The following NDUFAF7 variants were observed in gnomAD, a reference collection of about 807,000 sequenced individuals.
NDUFAF7 encodes protein arginine methyltransferase NDUFAF7, mitochondrial.
In NDUFAF7, 48 loss-of-function variants were observed where a neutral mutation model predicts 47.2. The observed-to-expected ratio is 1.02, with a 90% CI of 0.81 to 1.29. The LOEUF is 1.29. NDUFAF7 is among the 50% of genes most tolerant of loss of function. NDUFAF7 has a pLI of 0.00. For synonymous variants in NDUFAF7, 217 were observed against 190.0 expected, an observed-to-expected ratio of 1.14 and a Z score of -1.17; for missense variants, 635 against 537.6, an observed-to-expected ratio of 1.18 and a Z score of -1.79.
chr2:37,248,643 G>T lies in NDUFAF7; in HGVS notation c.*293G>T. 1 of 376,230 alleles carries T rather than the reference G, an allele frequency of 2.7e-6. No individual in the cohort carries two copies. The highest frequency in any genetic ancestry group is 5.1e-6 in the Non-Finnish European group (1 of 196,478). 23.3% of individuals were successfully genotyped at this position (376,230 alleles called of 1,614,324 possible). A position where few individuals can be genotyped will look rare whatever the true frequency, so the allele number is the denominator to read the frequency against. ...AAAAAGTAAACATGCGGCTGGGCGT[G>T]GTGGCTCATGCCTGTAATCCCAGCA... On this transcript the variant is annotated 3_prime_UTR_variant, in exon 10 of 10. Transcript: ENST00000002125.
rs371003486 is a variant in NDUFAF7, at chr2:37,236,162, C to G, written c.283C>G (p.Gln95Glu). ...GDFITSPEIS[Q>E]IFGELLGIWF... ...TTTCATTACTTCACCTGAAATAAGT[C>G]AAATCTTTGGGGAGGTAATATACTA... is the stretch of plus-strand genomic sequence containing the variant. Residue 95 changes from glutamine (Q) to glutamate (E), a missense_variant, in exon 3 of 10, where the codon CAA (glutamine) becomes GAA (glutamate). Transcript: ENST00000002125. The G allele has an allele frequency of 5.0e-6, 8 of 1,609,858 alleles. No homozygotes were observed. Among genetic ancestry groups the G allele is most frequent in the South Asian group, 2.2e-5 (2 of 90,978 alleles).
At position 37,242,484 on chromosome 2, in the gene NDUFAF7, G is replaced by C. The variant is rs1322687668; in HGVS notation, c.623-151G>C. The C allele has an allele frequency of 4.7e-6, 3 of 641,496 alleles. No homozygotes were observed. In the African/African-American group the frequency reaches 5.5e-5, roughly 12 times the overall value. The allele number at this position is 641,496 out of a possible 1,614,324, so 39.7% of individuals were successfully genotyped here. A position where few individuals can be genotyped will look rare whatever the true frequency, so the allele number is the denominator to read the frequency against. ...ATAAGAATAGTAATAATTGTTCTATGTTCTGCAGTGTAAGTTTTCCATGAA... is the reference window on the plus strand; with the variant it reads ...ATAAGAATAGTAATAATTGTTCTATCTTCTGCAGTGTAAGTTTTCCATGAA... On this transcript the variant is annotated intron_variant, in intron 5 of 9. Transcript: ENST00000002125.
Position 37,248,866 on chromosome 2 carries a change from A to G in NDUFAF7, c.*516A>G, listed in dbSNP as rs1455175965. On this transcript the variant is annotated 3_prime_UTR_variant, in exon 10 of 10. Coordinates refer to ENST00000002125, the MANE Select transcript of NDUFAF7 (RefSeq NM_144736.5). ...GAGGTGGAGGTTGCGGTGAGCTGAG[A>G]TCGTGCCACTGCACTCCAGCCTGGG... 1.2e-5 allele frequency: 2 copies of G among 163,662 alleles called. No homozygotes were observed. The highest frequency in any genetic ancestry group is 3.1e-4 in the South Asian group (2 of 6,436). 10.1% of individuals were successfully genotyped at this position (163,662 alleles called of 1,614,324 possible).
At chr2:37,231,823 T>A (rs1035928083) in intron 1 of NDUFAF7, 63 bp downstream of exon 1, 4 of 1,608,910 alleles carry the variant, frequency 2.5e-6, no homozygotes, top group African/African-American at 2.7e-5. Flanking sequence ...CTTCCTCAGC[T>A]CTTCAGTTGA....
chr2:37,246,920 T>C (rs1394407667), intron 8 of NDUFAF7, among the ~76,000 whole-genome samples: 1 of 152,140 alleles, frequency 6.6e-6, no homozygotes, highest in Non-Finnish European at 1.5e-5. Context: ...AGGGGGTACA[T>C]GAGGCAGGTT....
downstream of NDUFAF7, among the ~76,000 whole-genome samples, chr2:37,257,666 CAAAAGAAA>C (rs1408792339): frequency 1.6e-4 from 10 of 62,396 alleles, no homozygotes; most frequent in Admixed American, 1.3e-3. Context: ...GACTCTGTCT[CAAAAGAAA>C]AAAAAAAAAA....
In NDUFAF7 at chr2:37,249,107, A is replaced by T. The variant is rs1471035232; in HGVS notation, c.*757A>T. On this transcript the variant is annotated 3_prime_UTR_variant, in exon 10 of 10. Coordinates refer to ENST00000002125, the MANE Select transcript of NDUFAF7 (RefSeq NM_144736.5). Reference sequence around the variant, plus strand: ...TGCAAGAGTTTTTATAGTTGATTCCATTTTTGTTGAAGGAGAAAAACTAAA... The same window carrying T: ...TGCAAGAGTTTTTATAGTTGATTCCTTTTTTGTTGAAGGAGAAAAACTAAA... The T allele has an allele frequency of 4.6e-5, 7 of 152,278 alleles. No homozygotes were observed. The highest frequency in any genetic ancestry group is 3.3e-4 in the Admixed American group (5 of 15,276). The allele number at this position is 152,278 out of a possible 1,614,324, so 9.4% of individuals were successfully genotyped here. A position where few individuals can be genotyped will look rare whatever the true frequency, so the allele number is the denominator to read the frequency against.
chr2:37,250,108 C>T (rs1171422381), downstream of NDUFAF7, among the ~76,000 whole-genome samples: 1 of 151,648 alleles, frequency 6.6e-6, no homozygotes, highest in African/African-American at 2.4e-5. Context: ...GACAGTTCTT[C>T]CAATGTGGCT....
intron 2 of NDUFAF7, among the ~76,000 whole-genome samples, chr2:37,234,010 G>C (rs1665485071): frequency 6.6e-6 from 1 of 152,150 alleles, no homozygotes; most frequent in Middle Eastern, 3.2e-3. Flanking sequence ...AGTGATCACA[G>C]GCATCTCAGG....
At chr2:37,253,401 C>A, downstream of NDUFAF7, 2 of 1,490,036 alleles carry the variant, frequency 1.3e-6, no homozygotes, top group South Asian at 2.6e-5. Context: ...AAAATACTGT[C>A]AACCTGGTTT....
chr2:37,267,350 AAAAAAAAAAAAAGAG>A, the NDUFAF7 span: 4 of 1,020,720 alleles, frequency 3.9e-6, no homozygotes, highest in Non-Finnish European at 5.5e-6. Context: ...CCTTCTTAAA[AAAAAAAAAAAAAGAG>A]AAGCAGTTAA....
chr2:37,248,381 C>T lies in NDUFAF7; in HGVS notation c.*31C>T, dbSNP rs140492114. ...CAGCTTGGACATTTTACCCTTCAGT[C>T]GGCCCAAGAAATCAAAATAAAGGAA... is the stretch of plus-strand genomic sequence containing the variant. On this transcript the variant is annotated 3_prime_UTR_variant, in exon 10 of 10. Coordinates refer to ENST00000002125, the MANE Select transcript of NDUFAF7 (RefSeq NM_144736.5). The T allele has an allele frequency of 2.7e-5, 43 of 1,580,222 alleles. No homozygotes were observed. The highest frequency in any genetic ancestry group is 3.3e-5 in the Non-Finnish European group (38 of 1,149,558).
At chr2:37,243,839 T>C (rs1314337611) in intron 6 of NDUFAF7, 24 bp from the exon 7 acceptor site, 1 of 1,604,746 alleles carries the variant, frequency 6.2e-7, no homozygotes, top group Non-Finnish European at 8.5e-7. Context: ...AAAAATTTGT[T>C]TTTATGTGTT....
rs1418604596 is a variant in NDUFAF7 at position 37,248,300 on chromosome 2, A to G, written c.1276A>G (p.Lys426Glu). The G allele has an allele frequency of 1.4e-5, 22 of 1,614,046 alleles. No homozygotes were observed. The highest frequency in any genetic ancestry group is 1.8e-5 in the Non-Finnish European group (21 of 1,180,020). ...ATATCAGAGGAATGCACGTCAGTCA[A>G]AACCCTTTGCATCCGTTGTAGCTGG... ...GRYQRNARQSKPFASVVAGFS... is the reference protein window; with the variant it reads ...GRYQRNARQSEPFASVVAGFS... Residue 426 changes from lysine to glutamate, a missense_variant, in exon 10 of 10, where the codon AAA becomes GAA. Physicochemically the swap from Lys to Glu is moderately conservative, Grantham distance 56. Transcript: ENST00000002125.
At chr2:37,237,095 C>T (rs1046765020) in intron 3 of NDUFAF7, among the ~76,000 whole-genome samples, 2 of 152,056 alleles carry the variant, frequency 1.3e-5, no homozygotes, top group East Asian at 1.9e-4. Context: ...CTCAGCCTCC[C>T]GAGTAGCTGG....
rs1666251123 is a variant in NDUFAF7, at chr2:37,240,658, T to TC, written c.409-920_409-919insC. On this transcript the variant is annotated intron_variant, in intron 4 of 9. Coordinates refer to ENST00000002125, the MANE Select transcript of NDUFAF7 (RefSeq NM_144736.5). ...AATATTTAATAAGGACCTCAAATCA[T>TC]ATTCTCTTGTTCAAGTACTTTAAAA... Among the ~76,000 whole-genome samples, 7 of 152,340 alleles carry TC rather than the reference T, an allele frequency of 4.6e-5. No homozygotes were observed. In the South Asian group the frequency reaches 1.4e-3, roughly 32 times the overall value.
intron 6 of NDUFAF7, among the ~76,000 whole-genome samples, chr2:37,243,027 A>G (rs1181292134): frequency 6.6e-6 from 1 of 152,172 alleles, no homozygotes; most frequent in Non-Finnish European, 1.5e-5. Context: ...GGGTATTGCT[A>G]TGTTGCCCAG....
chr2:37,247,467 C>G lies in NDUFAF7; in HGVS notation c.948C>G (p.Asp316Glu). ...TKTDTFRGFC[D>E]HKLHDVLIAP... ...TCTTTATGTTCAAGGGGTTTTGCGA[C>G]CACAAGCTTCATGATGTCTTAATTG... Residue 316 changes from aspartate to glutamate, a missense_variant, in exon 9 of 10, where the codon GAC (aspartate) becomes GAG (glutamate). By Grantham distance (45) the Asp-to-Glu change is conservative. Coordinates refer to ENST00000002125, the MANE Select transcript of NDUFAF7 (RefSeq NM_144736.5). 1 of 1,613,908 alleles carries G rather than the reference C, an allele frequency of 6.2e-7. No individual in the cohort carries two copies. Among genetic ancestry groups the G allele is most frequent in the South Asian group, 1.1e-5 (1 of 91,076 alleles).
At chr2:37,249,242 G>A (rs1318645430), downstream of NDUFAF7, 1 of 152,178 alleles carries the variant, frequency 6.6e-6, no homozygotes, top group East Asian at 1.9e-4. Flanking sequence ...TCCCAATTTG[G>A]AAGTGACTTT....
Sources: gnomAD v4.1 joint callset for allele counts (sites outside exome capture counted in the v4.1 genomes callset) on GRCh38, gnomAD v4.1.1 for gene constraint, MANE v1.5 for transcripts, NCBI Gene and HGNC (gene_info 2026-07-23, HGNC 2026-07-21) for gene names.